Variants in LMNTD1 observed in about 807,000 individuals in gnomAD.
LMNTD1 encodes the protein lamin tail domain containing 1.
Under a neutral mutation model 50.9 loss-of-function variants are expected in LMNTD1, and 35 were observed. The observed-to-expected ratio is 0.69, with a 90% CI of 0.53 to 0.91. LMNTD1 has a LOEUF of 0.91. Ranked by LOEUF, LMNTD1 falls within the 40% of genes least tolerant of loss-of-function variation. LMNTD1 has a pLI of 0.00. For synonymous variants in LMNTD1, 153 were observed against 161.9 expected (o/e 0.94, Z 0.42); for missense variants, 470 against 475.5 (o/e 0.99, Z 0.11).
chr12:25,495,371 T>C (rs181079802), intron 9 of LMNTD1, among the ~76,000 whole-genome samples: 1 of 151,936 alleles, frequency 6.6e-6, no homozygotes, highest in African/African-American at 2.4e-5. Context: ...ATTCATCTAG[T>C]TCATCCATCT....
intron 9 of LMNTD1, among the ~76,000 whole-genome samples, chr12:25,484,890 A>G (rs1264839818): frequency 6.8e-6 from 1 of 146,616 alleles, no homozygotes; most frequent in Non-Finnish European, 1.5e-5. Flanking sequence ...ACATTTTCTT[A>G]ATCCAGTCTA....
At chr12:25,642,941 A>G (rs1203698592) in intron 1 of LMNTD1, among the ~76,000 whole-genome samples, 2 of 152,236 alleles carry the variant, frequency 1.3e-5, no homozygotes, top group Non-Finnish European at 2.9e-5. Flanking sequence ...TGCCACGTCT[A>G]TGATATATTT....
intron 1 of LMNTD1, among the ~76,000 whole-genome samples, chr12:25,634,642 A>G (rs981934845): frequency 2.6e-5 from 4 of 152,122 alleles, no homozygotes; most frequent in South Asian, 4.1e-4. Context: ...AAATTGGCAT[A>G]CAAGGGACAT....
chr12:25,559,201 C>T (rs1394898098), intron 1 of LMNTD1, among the ~76,000 whole-genome samples: 3 of 152,156 alleles, frequency 2.0e-5, no homozygotes, highest in African/African-American at 7.2e-5. Flanking sequence ...CCCCCTGCCC[C>T]CACCCCATGA....
intron 2 of LMNTD1, among the ~76,000 whole-genome samples, chr12:25,550,277 G>A (rs1238336211): frequency 1.3e-5 from 2 of 152,202 alleles, no homozygotes; most frequent in South Asian, 2.1e-4. Context: ...ATAAGCTTCA[G>A]TACAATTATT....
At position 25,552,776 on chromosome 12, in the gene LMNTD1, A is replaced by C. The variant is rs2136261631; in HGVS notation, c.89+95T>G. 3 of 744,228 alleles carry C rather than the reference A, an allele frequency of 4.0e-6. No homozygotes were observed. The East Asian group carries it at 8.1e-5, about 20-fold the overall frequency. The allele number at this position is 744,228 out of a possible 1,614,324, so 46.1% of individuals were successfully genotyped here. On this transcript the variant is annotated intron_variant, in intron 2 of 9. Coordinates refer to ENST00000458174, the MANE Select transcript of LMNTD1 (RefSeq NM_001145728.2). ...GATATATTCTAGTTCTAACTGGTTC[A>C]TAAGAGTATTGAAACAAAAGAGGTC...
At chr12:25,618,444 A>G (rs1037025320) in intron 1 of LMNTD1, among the ~76,000 whole-genome samples, 3 of 152,216 alleles carry the variant, frequency 2.0e-5, no homozygotes, top group Non-Finnish European at 2.9e-5. Flanking sequence ...GCAGTACCTT[A>G]GTGATACTTG....
intron 1 of LMNTD1, among the ~76,000 whole-genome samples, chr12:25,571,339 T>TTTTATTTATTTA (rs55781545): frequency 0.018 from 2,630 of 148,760 alleles, 61 homozygotes; most frequent in East Asian, 0.11. Flanking sequence ...AAAAAAGTAT[T>TTTTATTTATTTA]TTTATTTATT....
At chr12:25,597,209 G>A (rs1180642171) in intron 1 of LMNTD1, among the ~76,000 whole-genome samples, 1 of 151,876 alleles carries the variant, frequency 6.6e-6, no homozygotes, top group Non-Finnish European at 1.5e-5. Flanking sequence ...TAATAATATT[G>A]AATGTAAATG....
At chr12:25,555,306 A>C (rs1047658991), upstream of LMNTD1, among the ~76,000 whole-genome samples, 3 of 152,192 alleles carry the variant, frequency 2.0e-5, no homozygotes, top group Non-Finnish European at 4.4e-5. Context: ...TGGTTGATAC[A>C]ACTTATTGGA....
intron 6 of LMNTD1, 37 bp downstream of exon 6, chr12:25,526,060 TTA>T: frequency 1.4e-6 from 2 of 1,480,144 alleles, no homozygotes; most frequent in Non-Finnish European, 9.0e-7. Context: ...AGCACAATAT[TTA>T]AAAAAAAAAA....
chr12:25,554,572 G>GA (rs1434958847), upstream of LMNTD1, among the ~76,000 whole-genome samples: 1 of 152,204 alleles, frequency 6.6e-6, no homozygotes, highest in Non-Finnish European at 1.5e-5. Flanking sequence ...GGGCCAAAGT[G>GA]AACCATAGAG....
rs1944169280 is a variant in LMNTD1, at chr12:25,559,150, C to T, written c.59-12596G>A. ...CATGTCGGTATGCTGCACCCGTTAA[C>T]TCGTCATTTACATTAGGTATATCTC... On this transcript the variant is annotated intron_variant, in intron 1 of 7. Coordinates refer to the LMNTD1 transcript ENST00000445693. 2.6e-5 allele frequency among the ~76,000 whole-genome samples: 4 copies of T among 152,104 alleles called. No homozygotes were observed. In the South Asian group the frequency reaches 8.3e-4, roughly 32 times the overall value.
At chr12:25,562,020 C>T (rs1944351326) in intron 1 of LMNTD1, among the ~76,000 whole-genome samples, 1 of 152,132 alleles carries the variant, frequency 6.6e-6, no homozygotes, top group Non-Finnish European at 1.5e-5. Flanking sequence ...TATTTTGAGC[C>T]TATGTGTGTC....
intron 1 of LMNTD1, among the ~76,000 whole-genome samples, chr12:25,601,091 T>G (rs1261703433): frequency 6.6e-6 from 1 of 151,914 alleles, no homozygotes; most frequent in Non-Finnish European, 1.5e-5. Context: ...AATGTGGTAC[T>G]ATACATAGTG....
intron 1 of LMNTD1, chr12:25,648,402 T>C: frequency 9.6e-7 from 1 of 1,039,188 alleles, no homozygotes; most frequent in South Asian, 1.4e-5. Context: ...ATATGACCAC[T>C]TTCTAAAGTG....
chr12:25,574,242 T>C (rs1944907983), intron 1 of LMNTD1, among the ~76,000 whole-genome samples: 1 of 152,204 alleles, frequency 6.6e-6, no homozygotes, highest in Admixed American at 6.5e-5. Context: ...GTTCCTCCAT[T>C]ACCTAGCTCA....
rs1488012311 is a variant in LMNTD1, at chr12:25,530,673, G to T, written c.492-3718C>A. ...TGTTTTAGATGAAGTCTTGATTTTG[G>T]TTGGACAAGTCCCCTCTCATTTTCT... is the stretch of plus-strand genomic sequence containing the variant. On this transcript the variant is annotated intron_variant, in intron 4 of 9. Coordinates refer to ENST00000458174, the MANE Select transcript of LMNTD1 (RefSeq NM_001145728.2). Among the ~76,000 whole-genome samples, 6 of 152,086 alleles carry T rather than the reference G, an allele frequency of 3.9e-5. No individual in the cohort carries two copies. In the South Asian group the frequency reaches 1.0e-3, roughly 26 times the overall value.
chr12:25,521,194 C>T (rs780798060), intron 6 of LMNTD1, among the ~76,000 whole-genome samples: 2 of 151,808 alleles, frequency 1.3e-5, no homozygotes, highest in Non-Finnish European at 2.9e-5. Flanking sequence ...GTTTCCTTTG[C>T]TGTGCAGAAG....
Sources: gnomAD v4.1 joint callset for allele counts (sites outside exome capture counted in the v4.1 genomes callset) on GRCh38, gnomAD v4.1.1 for gene constraint, MANE v1.5 for transcripts, NCBI Gene and HGNC (gene_info 2026-07-23, HGNC 2026-07-21) for gene names.